The following SHISA6 variants were observed in gnomAD, a reference collection of about 807,000 sequenced individuals.
The protein encoded by SHISA6 is protein shisa-6.
A neutral mutation model predicts 47.9 loss-of-function variants in SHISA6; 22 were observed. That is an observed-to-expected ratio of 0.46 (90% CI 0.33 to 0.66). The LOEUF is 0.66. Ranked by LOEUF, SHISA6 falls within the 30% of genes least tolerant of loss-of-function variation. The pLI is 0.02. For synonymous variants in SHISA6, 388 were observed against 337.8 expected, an observed-to-expected ratio of 1.15 and a Z score of -1.63; for missense variants, 680 against 764.6, an observed-to-expected ratio of 0.89 and a Z score of 1.30.
intron 3 of SHISA6, among the ~76,000 whole-genome samples, chr17:11,490,514 C>CAA (rs1916447307): frequency 6.6e-6 from 1 of 152,048 alleles, no homozygotes; most frequent in Non-Finnish European, 1.5e-5. Context: ...TCAGGGAGTG[C>CAA]GATTTTAATG....
chr17:11,350,835 A>T (rs1052257096), intron 2 of SHISA6, among the ~76,000 whole-genome samples: 2 of 152,192 alleles, frequency 1.3e-5, no homozygotes, highest in African/African-American at 4.8e-5. Context: ...ATGAAGACAC[A>T]TGCACACATA....
intron 3 of SHISA6, among the ~76,000 whole-genome samples, chr17:11,500,404 G>C (rs113116918): frequency 6.6e-6 from 1 of 152,176 alleles, no homozygotes; most frequent in African/African-American, 2.4e-5. Flanking sequence ...CAAAAGTGCT[G>C]TGCATGGCCT....
chr17:11,318,427 A>T (rs1336446328), intron 2 of SHISA6, among the ~76,000 whole-genome samples: 1 of 152,144 alleles, frequency 6.6e-6, no homozygotes, highest in Non-Finnish European at 1.5e-5. Context: ...GCCTTTGCAC[A>T]AGCTGTTCCA....
chr17:11,452,142 C>T (rs1915416558), intron 3 of SHISA6, among the ~76,000 whole-genome samples: 2 of 152,194 alleles, frequency 1.3e-5, no homozygotes, highest in African/African-American at 4.8e-5. Flanking sequence ...TAGAGCCAGG[C>T]ATGGTAGGTG....
chr17:11,353,585 A>C (rs1333457893), intron 2 of SHISA6, among the ~76,000 whole-genome samples: 4 of 152,092 alleles, frequency 2.6e-5, no homozygotes, highest in African/African-American at 9.7e-5. Flanking sequence ...AGGATGCATA[A>C]ATTGAGCCCA....
intron 3 of SHISA6, among the ~76,000 whole-genome samples, chr17:11,412,376 T>C (rs555599468): frequency 6.6e-4 from 101 of 152,212 alleles, no homozygotes; most frequent in Non-Finnish European, 1.1e-3. Flanking sequence ...AGTAAAGATA[T>C]GGAAGCCACC....
chr17:11,524,399 G>A (rs944358569), intron 3 of SHISA6, among the ~76,000 whole-genome samples: 1 of 152,040 alleles, frequency 6.6e-6, no homozygotes, highest in African/African-American at 2.4e-5. Context: ...TAAAAAATTA[G>A]CAGCATGTTT....
intron 2 of SHISA6, among the ~76,000 whole-genome samples, chr17:11,328,336 T>C (rs1172916175): frequency 6.6e-6 from 1 of 152,064 alleles, no homozygotes; most frequent in Non-Finnish European, 1.5e-5. Context: ...GGTTGCTTTG[T>C]TTGTGGTGGG....
chr17:11,468,597 G>A (rs906194650), intron 3 of SHISA6, among the ~76,000 whole-genome samples: 3 of 152,180 alleles, frequency 2.0e-5, no homozygotes, highest in Admixed American at 6.5e-5. Flanking sequence ...GTCAGCACAA[G>A]GGCTAGTCCA....
rs75203885 is a variant in SHISA6 at position 11,365,776 on chromosome 17, C to T, written c.800-13638C>T. On this transcript the variant is annotated intron_variant, in intron 2 of 5. Transcript: ENST00000441885. ...TTTAAGAAGGGAGATGGACAATAAACAATAACCAAGTAGGTGAACAAGATA... is the reference window on the plus strand; with the variant it reads ...TTTAAGAAGGGAGATGGACAATAAATAATAACCAAGTAGGTGAACAAGATA... Among the ~76,000 whole-genome samples, 560 of 152,192 alleles carry T rather than the reference C, an allele frequency of 3.7e-3. 7 individuals carry two copies. The highest frequency in any genetic ancestry group is 5.8e-3 in the Non-Finnish European group (397 of 68,012).
Position 11,280,577 on chromosome 17 carries a change from G to A in SHISA6, c.799+17051G>A, listed in dbSNP as rs146729640. ...TCTTGAGCTTTGTTGAGTGCCTGCT[G>A]CATACCAGGCCTAGTGCCAGAGGTT... On this transcript the variant is annotated intron_variant, in intron 2 of 5. Coordinates refer to ENST00000441885, the MANE Select transcript of SHISA6 (RefSeq NM_207386.4). Among the ~76,000 whole-genome samples the A allele has an allele frequency of 4.2e-3, 637 of 152,310 alleles. 2 individuals carry two copies. Among genetic ancestry groups the A allele is most frequent in the Non-Finnish European group, 6.1e-3 (412 of 68,026 alleles).
intron 3 of SHISA6, among the ~76,000 whole-genome samples, chr17:11,527,163 C>T (rs1373994738): frequency 6.6e-6 from 1 of 151,984 alleles, no homozygotes; most frequent in Non-Finnish European, 1.5e-5. Flanking sequence ...GGTTTGGGTT[C>T]CCCAGGTGAA....
intron 2 of SHISA6, among the ~76,000 whole-genome samples, chr17:11,287,286 A>G (rs1567561319): frequency 6.7e-6 from 1 of 149,854 alleles, no homozygotes; most frequent in African/African-American, 2.5e-5. Flanking sequence ...GGAAGGAAGG[A>G]AAGGAAGGAA....
Position 11,400,764 on chromosome 17 carries a change from G to GC in SHISA6, c.895+21257dup, listed in dbSNP as rs562367820. 2.8e-3 allele frequency among the ~76,000 whole-genome samples: 431 copies of GC among 152,270 alleles called. 1 individual carries two copies. The highest frequency in any genetic ancestry group is 5.3e-3 in the Non-Finnish European group (362 of 68,024). ...CTGATTGTCCATATGTGGGTAGCCT[G>GC]CCTGGTGTACTTAATCTTTCACAGA... On this transcript the variant is annotated intron_variant, in intron 3 of 5. Coordinates refer to ENST00000441885, the MANE Select transcript of SHISA6 (RefSeq NM_207386.4).
At chr17:11,324,737 A>G (rs1910817476) in intron 2 of SHISA6, among the ~76,000 whole-genome samples, 1 of 152,110 alleles carries the variant, frequency 6.6e-6, no homozygotes, top group Non-Finnish European at 1.5e-5. Flanking sequence ...GAGATCTGTG[A>G]GGTATGGCAT....
In SHISA6 at chr17:11,324,507, G is replaced by A. The variant is rs558374661; in HGVS notation, c.800-54907G>A. ...ATGGGAAATGAACCAATAGCTTCCT[G>A]GATAGTAGAAGCTCTTTTCCTTCAT... On this transcript the variant is annotated intron_variant, in intron 2 of 5. Transcript: ENST00000441885. Among the ~76,000 whole-genome samples the A allele has an allele frequency of 2.0e-5, 3 of 152,232 alleles. No homozygotes were observed. The South Asian group carries it at 6.2e-4, about 32-fold the overall frequency.
intron 3 of SHISA6, among the ~76,000 whole-genome samples, chr17:11,440,977 G>A (rs944647223): frequency 6.6e-6 from 1 of 152,042 alleles, no homozygotes; most frequent in Non-Finnish European, 1.5e-5. Flanking sequence ...TGGTGAAGTA[G>A]AGAGGACATC....
intron 1 of SHISA6, among the ~76,000 whole-genome samples, chr17:11,246,745 C>G (rs1907609665): frequency 6.6e-6 from 1 of 152,210 alleles, no homozygotes; most frequent in African/African-American, 2.4e-5. Flanking sequence ...ATTCACTTAA[C>G]AAATGAGCCC....
intron 3 of SHISA6, among the ~76,000 whole-genome samples, chr17:11,429,523 G>A (rs1394600404): frequency 6.6e-6 from 1 of 151,456 alleles, no homozygotes; most frequent in Non-Finnish European, 1.5e-5. Context: ...GCTCTCACCT[G>A]TAGTCCCAGC....
Sources: gnomAD v4.1 joint callset for allele counts (sites outside exome capture counted in the v4.1 genomes callset) on GRCh38, gnomAD v4.1.1 for gene constraint, MANE v1.5 for transcripts, NCBI Gene and HGNC (gene_info 2026-07-23, HGNC 2026-07-21) for gene names.